The following RYR3 variants were observed in gnomAD, a reference collection of about 807,000 sequenced individuals.
RYR3 encodes the protein brain ryanodine receptor-calcium release channel.
Under a neutral mutation model 584.3 loss-of-function variants are expected in RYR3, and 207 were observed. The ratio of observed to expected loss-of-function variants is 0.35; its 90% CI spans 0.32 to 0.40. The LOEUF is 0.40. RYR3 is among the 10% of genes least tolerant of loss of function. RYR3 has a pLI of 1.00. For synonymous variants in RYR3, 2,416 were observed against 2,248.5 expected (o/e 1.07, Z -2.11); for missense variants, 5,616 against 6,089.2 (o/e 0.92, Z 2.59).
intron 1 of RYR3, among the ~76,000 whole-genome samples, chr15:33,339,216 GGCTGCTACTGCAGCCTGCTGA>G (rs1400125205): frequency 6.6e-6 from 1 of 152,236 alleles, no homozygotes. Context: ...GGAGAGGTGT[GGCTGCTACTGCAGCCTGCTGA>G]GGTGGCAGGG....
At chr15:33,861,480 C>CTT (rs34330524) in intron 102 of RYR3, among the ~76,000 whole-genome samples, 497 of 148,102 alleles carry the variant, frequency 3.4e-3, no homozygotes, top group Non-Finnish European at 3.5e-3. Context: ...TATAAATATG[C>CTT]TTTTTTTTTT....
intron 1 of RYR3, among the ~76,000 whole-genome samples, chr15:33,444,263 G>A (rs901442689): frequency 1.3e-5 from 2 of 152,180 alleles, no homozygotes; most frequent in Admixed American, 1.3e-4. Flanking sequence ...TGTTAGAACA[G>A]GAAGTTTTCT....
At chr15:33,385,724 G>A (rs569743721) in intron 1 of RYR3, among the ~76,000 whole-genome samples, 314 of 16,178 alleles carry the variant, frequency 0.019, 4 homozygotes, top group African/African-American at 0.069. Flanking sequence ...TTTTTTTTGA[G>A]ACAGGGTCTC....
chr15:33,397,259 G>T (rs1266258194), intron 1 of RYR3, among the ~76,000 whole-genome samples: 1 of 152,172 alleles, frequency 6.6e-6, no homozygotes, highest in East Asian at 1.9e-4. Flanking sequence ...TGCTGAACAG[G>T]TTGGCTAAAT....
At chr15:33,436,356 C>T (rs753080084) in intron 1 of RYR3, among the ~76,000 whole-genome samples, 5 of 152,036 alleles carry the variant, frequency 3.3e-5, no homozygotes, top group African/African-American at 7.3e-5. Context: ...AATACCTGCT[C>T]ATGGCTTTGG....
Position 33,473,483 on chromosome 15 carries a change from C to T in RYR3, c.116C>T (p.Ala39Val). The T allele has an allele frequency of 6.2e-7, 1 of 1,613,920 alleles. No homozygotes were observed. The change falls in exon 2 of 104, where the codon GCA becomes GTA. Residue 39 changes from alanine (A) to valine (V), a missense_variant. Ala to Val is a moderately conservative substitution (Grantham distance 64). Coordinates refer to ENST00000634891, the MANE Select transcript of RYR3 (RefSeq NM_001036.6). ...IHKEQRKFCLAAEGLGNRLCF... is the reference protein window; with the variant it reads ...IHKEQRKFCLVAEGLGNRLCF... ...AAGGAGCAGAGGAAGTTCTGCCTGG[C>T]AGCCGAGGGACTTGGGAATCGCCTG...
intron 3 of RYR3, among the ~76,000 whole-genome samples, chr15:33,505,123 G>A (rs1284207971): frequency 1.3e-5 from 2 of 152,110 alleles, no homozygotes; most frequent in African/African-American, 4.8e-5. Flanking sequence ...TACATAATAC[G>A]GACATGTCTC....
chr15:33,470,260 CTTTAT>C (rs1158454265), intron 1 of RYR3, among the ~76,000 whole-genome samples: 1 of 152,134 alleles, frequency 6.6e-6, no homozygotes, highest in Non-Finnish European at 1.5e-5. Flanking sequence ...ACTTTCTTCT[CTTTAT>C]TTTGTTTCTC....
At chr15:33,454,229 T>C (rs1215053100) in intron 1 of RYR3, among the ~76,000 whole-genome samples, 7 of 152,232 alleles carry the variant, frequency 4.6e-5, no homozygotes, top group Non-Finnish European at 8.8e-5. Flanking sequence ...AACGGCACTC[T>C]GACTGAGTAT....
At chr15:33,585,140 G>A (rs548270276) in intron 15 of RYR3, among the ~76,000 whole-genome samples, 15 of 151,966 alleles carry the variant, frequency 9.9e-5, no homozygotes, top group African/African-American at 3.1e-4. Flanking sequence ...TGCTTTTCTC[G>A]CAGTGTAGAA....
In RYR3 at chr15:33,812,820, G is replaced by A. The variant is rs755781171; in HGVS notation, c.10258-43G>A. ...CCAAAAGGCTTCTTCAGTATAAGAA[G>A]TACAGGAAATTCCTCATCTTATGAG... is the stretch of plus-strand genomic sequence containing the variant. On this transcript the variant is annotated intron_variant, in intron 72 of 103. Transcript: ENST00000634891. 5 of 1,602,686 alleles carry A rather than the reference G, an allele frequency of 3.1e-6. No homozygotes were observed. The South Asian group carries it at 4.5e-5, about 14-fold the overall frequency.
rs558324020 is a variant in RYR3 at position 33,707,605 on chromosome 15, A to G, written c.6619+551A>G. Among the ~76,000 whole-genome samples, 84 of 152,344 alleles carry G rather than the reference A, an allele frequency of 5.5e-4. 1 individual carries two copies. Among genetic ancestry groups the G allele is most frequent in the Non-Finnish European group, 9.6e-4 (65 of 68,038 alleles). On this transcript the variant is annotated intron_variant, in intron 43 of 103. Transcript: ENST00000634891. ...AGAATTCTTTAGTTGCTCTGGAATA[A>G]TATGCTGAATATTATGTAAATAAGT...
At chr15:33,624,138 A>T in intron 20 of RYR3, 115 bp downstream of exon 20, 1 of 757,788 alleles carries the variant, frequency 1.3e-6, no homozygotes. Context: ...GAATTGTTGT[A>T]TAATGTGAAC....
At chr15:33,773,702 T>C in intron 64 of RYR3, 87 bp downstream of exon 64, 2 of 892,740 alleles carry the variant, frequency 2.2e-6, no homozygotes, top group African/African-American at 1.6e-5. Flanking sequence ...ATCATTTCAA[T>C]CCAGCAAGAC....
intron 10 of RYR3, among the ~76,000 whole-genome samples, chr15:33,560,929 A>C (rs1195966087): frequency 6.6e-6 from 1 of 152,226 alleles, no homozygotes; most frequent in Non-Finnish European, 1.5e-5. Context: ...AGTCATATTT[A>C]ATAATCCAGC....
intron 103 of RYR3, chr15:33,864,608 G>A (rs995720440): frequency 1.1e-5 from 2 of 176,884 alleles, no homozygotes; most frequent in African/African-American, 4.7e-5. Context: ...GAGAGGATGA[G>A]TGAAAGGATG....
At chr15:33,684,053 C>CT (rs1248399656) in intron 38 of RYR3, among the ~76,000 whole-genome samples, 1 of 152,280 alleles carries the variant, frequency 6.6e-6, no homozygotes, top group African/African-American at 2.4e-5. Context: ...CCTCTGTGAG[C>CT]AGGGCATAGC....
chr15:33,473,237 T>G, intron 1 of RYR3, 182 bp from the exon 2 acceptor site: 1 of 769,958 alleles, frequency 1.3e-6, no homozygotes, highest in Non-Finnish European at 2.3e-6. Flanking sequence ...TGACTCACGG[T>G]AGATGCTCCG....
At chr15:33,626,441 A>C (rs1392662186) in intron 20 of RYR3, among the ~76,000 whole-genome samples, 1 of 152,168 alleles carries the variant, frequency 6.6e-6, no homozygotes, top group African/African-American at 2.4e-5. Context: ...CAGAGCGTAA[A>C]AGTTTGAAAA....
Sources: gnomAD v4.1 joint callset for allele counts (sites outside exome capture counted in the v4.1 genomes callset) on GRCh38, gnomAD v4.1.1 for gene constraint, MANE v1.5 for transcripts, NCBI Gene and HGNC (gene_info 2026-07-23, HGNC 2026-07-21) for gene names.